The following VPS4B variants were observed in gnomAD, a reference collection of about 807,000 sequenced individuals.
VPS4B encodes vacuolar protein sorting-associated protein 4B.
A neutral mutation model predicts 56.1 loss-of-function variants in VPS4B; 23 were observed. That is an observed-to-expected ratio of 0.41 (90% CI 0.30 to 0.58). The LOEUF (loss-of-function observed/expected upper bound fraction) is 0.58. VPS4B is among the 20% of genes least tolerant of loss of function. The pLI, the probability that VPS4B is intolerant of heterozygous loss-of-function variation, is 0.29. For missense variants in VPS4B, 372 were observed against 531.9 expected (o/e 0.70, Z 2.96); for synonymous variants, 177 against 186.0 (o/e 0.95, Z 0.39).
intron 1 of VPS4B, 108 bp from the exon 2 acceptor site, chr18:63,411,686 C>G: frequency 2.9e-6 from 2 of 694,004 alleles, no homozygotes; most frequent in Non-Finnish European, 4.2e-6. Context: ...TCTCAGCTTG[C>G]TGGGCTGTGA....
chr18:63,403,110 T>C (rs1333766545), intron 5 of VPS4B, among the ~76,000 whole-genome samples: 1 of 152,256 alleles, frequency 6.6e-6, no homozygotes, highest in African/African-American at 2.4e-5. Context: ...ACAGTGATAA[T>C]GAAATGTCCT....
At chr18:63,402,839 T>C (rs998979251) in intron 5 of VPS4B, among the ~76,000 whole-genome samples, 1 of 152,220 alleles carries the variant, frequency 6.6e-6, no homozygotes, top group Non-Finnish European at 1.5e-5. Context: ...CTTTTTGCTC[T>C]TCATCACTGC....
rs948942514 is a variant in VPS4B at position 63,389,740 on chromosome 18, A to G, written c.*1235T>C. On this transcript the variant is annotated 3_prime_UTR_variant, in exon 11 of 11. Coordinates refer to ENST00000238497, the MANE Select transcript of VPS4B (RefSeq NM_004869.4). Reference sequence around the variant, plus strand: ...CTTAAAAGGTGAAGGACAAGACCCCATATTATTATCCTGTATTAAAAAAGG... The same window carrying G: ...CTTAAAAGGTGAAGGACAAGACCCCGTATTATTATCCTGTATTAAAAAAGG... 3.9e-5 allele frequency: 6 copies of G among 152,678 alleles called. No individual in the cohort carries two copies. Among genetic ancestry groups the G allele is most frequent in the African/African-American group, 1.4e-4 (6 of 41,462 alleles). The allele number at this position is 152,678 out of a possible 1,614,324, so 9.5% of individuals were successfully genotyped here.
Position 63,390,915 on chromosome 18 carries a change from T to A in VPS4B, c.*60A>T. ...CTGGAAACAATTAATGCGATCCAAA[T>A]AGACAAAAATATCTATGAAAGAAAG... On this transcript the variant is annotated 3_prime_UTR_variant, in exon 11 of 11. Transcript: ENST00000238497. 1 of 1,230,082 alleles carries A rather than the reference T, an allele frequency of 8.1e-7. No individual in the cohort carries two copies. The highest frequency in any genetic ancestry group is 2.4e-5 in the East Asian group (1 of 42,076). 76.2% of individuals were successfully genotyped at this position (1,230,082 alleles called of 1,614,324 possible). A position where few individuals can be genotyped will look rare whatever the true frequency, so the allele number is the denominator to read the frequency against.
rs948234929 is a variant in VPS4B, at chr18:63,390,237, C to A, written c.*738G>T. On this transcript the variant is annotated 3_prime_UTR_variant, in exon 11 of 11. Coordinates refer to ENST00000238497, the MANE Select transcript of VPS4B (RefSeq NM_004869.4). The stretch of plus-strand genomic sequence containing the variant: ...TACAGACACTCGCCATCATGCCCAG[C>A]TAATTTTTGTATTTTTAGTAGAGAC... 4 of 152,328 alleles carry A rather than the reference C, an allele frequency of 2.6e-5. No individual in the cohort carries two copies. Among genetic ancestry groups the A allele is most frequent in the Non-Finnish European group, 5.9e-5 (4 of 68,170 alleles). The allele number at this position is 152,328 out of a possible 1,614,324, so 9.4% of individuals were successfully genotyped here. A position where few individuals can be genotyped will look rare whatever the true frequency, so the allele number is the denominator to read the frequency against.
In VPS4B at chr18:63,410,544, T is replaced by C. The variant is rs192738988; in HGVS notation, c.140-98A>G. On this transcript the variant is annotated intron_variant, in intron 2 of 10. Coordinates refer to ENST00000238497, the MANE Select transcript of VPS4B (RefSeq NM_004869.4). ...TATTTTTTCAGACAAGGAAATTCTA[T>C]GTTGGAAGAAGGAGGGAAGATCATC... 4.9e-5 allele frequency: 71 copies of C among 1,457,024 alleles called. 1 individual carries two copies. In the South Asian group the frequency reaches 6.2e-4, roughly 13 times the overall value. 90.3% of individuals were successfully genotyped at this position (1,457,024 alleles called of 1,614,324 possible).
intron 4 of VPS4B, among the ~76,000 whole-genome samples, chr18:63,404,895 G>T (rs1221066066): frequency 1.3e-5 from 2 of 151,884 alleles, no homozygotes; most frequent in African/African-American, 4.8e-5. Flanking sequence ...GAAACCATAA[G>T]CATTTTGTAT....
chr18:63,416,965 T>C (rs778084510), intron 1 of VPS4B, among the ~76,000 whole-genome samples: 16 of 152,226 alleles, frequency 1.1e-4, no homozygotes, highest in Non-Finnish European at 2.2e-4. Flanking sequence ...TCATTGTATT[T>C]ACCTGTATGC....
At chr18:63,393,595 A>G in intron 9 of VPS4B, 46 bp from the exon 10 acceptor site, 4 of 1,473,100 alleles carry the variant, frequency 2.7e-6, no homozygotes, top group Non-Finnish European at 3.6e-6. Context: ...ACAAAATTGA[A>G]CATTAAGACT....
chr18:63,400,565 C>T lies in VPS4B; in HGVS notation c.623G>A (p.Trp208Ter). The T allele has an allele frequency of 6.2e-7, 1 of 1,606,526 alleles. No individual in the cohort carries two copies. Among genetic ancestry groups the T allele is most frequent in the Non-Finnish European group, 8.5e-7 (1 of 1,178,392 alleles). The change falls in exon 6 of 11, where the codon TGG becomes TAG. Residue 208 changes from tryptophan to a stop codon, truncating the protein, a stop_gained. Transcript: ENST00000238497. LOFTEE classifies it high-confidence loss of function. The stretch of plus-strand genomic sequence containing the variant: ...TACTTACTTTTCACTTTCACCTAGC[C>T]ACTTAGAAACAAGATCAGAGGAAGA... ...SISSSDLVSKWLGESEKLVKN... is the reference protein window; with the variant it reads ...SISSSDLVSK
At chr18:63,411,654 A>T in intron 1 of VPS4B, 76 bp from the exon 2 acceptor site, 1 of 994,528 alleles carries the variant, frequency 1.0e-6, no homozygotes, top group Non-Finnish European at 1.3e-6. Context: ...TCATACTGAA[A>T]GTTTTTTTTT....
At chr18:63,395,542 G>C (rs942940661) in intron 9 of VPS4B, among the ~76,000 whole-genome samples, 1 of 152,106 alleles carries the variant, frequency 6.6e-6, no homozygotes, top group Admixed American at 6.6e-5. Context: ...TTCAAATTCA[G>C]ATTTTAATTC....
intron 1 of VPS4B, 38 bp from the exon 2 acceptor site, chr18:63,411,616 A>G (rs766812389): frequency 1.4e-4 from 200 of 1,432,406 alleles, no homozygotes; most frequent in Non-Finnish European, 1.8e-4. Context: ...TTTAAATCAA[A>G]GCATAAACAT....
At chr18:63,391,208 T>C in intron 10 of VPS4B, 132 bp from the exon 11 acceptor site, 2 of 622,926 alleles carry the variant, frequency 3.2e-6, no homozygotes, top group Non-Finnish European at 5.6e-6. Flanking sequence ...TGCCATAAGA[T>C]ACTAACGATA....
intron 3 of VPS4B, 118 bp from the exon 4 acceptor site, chr18:63,407,617 A>C: frequency 2.8e-6 from 2 of 719,958 alleles, no homozygotes; most frequent in South Asian, 3.8e-5. Context: ...AGACATTTAC[A>C]TTAAAAGTTA....
rs753852708 is a variant in VPS4B at position 63,400,083 on chromosome 18, C to T, written c.755G>A (p.Arg252His). The change falls in exon 7 of 11, where the codon CGT (arginine) becomes CAT (histidine). Residue 252 changes from arginine (R) to histidine (H), a missense_variant. By Grantham distance (29) the Arg-to-His change is conservative. Coordinates refer to ENST00000238497, the MANE Select transcript of VPS4B (RefSeq NM_004869.4). ...SRSENESEAARRIKTEFLVQM... is the reference protein window; with the variant it reads ...SRSENESEAAHRIKTEFLVQM... ...CACTAGGAACTCCGTCTTAATTCTA[C>T]GTGCGGCTTCACTTTCATTTTCACT... 6 of 1,611,952 alleles carry T rather than the reference C, an allele frequency of 3.7e-6. No homozygotes were observed. The highest frequency in any genetic ancestry group is 1.3e-5 in the African/African-American group (1 of 74,746).
rs1483572186 is a variant in VPS4B, at chr18:63,390,976, T to C, written c.1334A>G (p.Ter445=). The change falls in exon 11 of 11, where the codon TAA becomes TGA. Residue 445 remains the stop codon, a stop_retained_variant. Transcript: ENST00000238497. ...KFTEDFGQEG[*] ...GTAAGCATCTTCCTTGTCTTTGGCT[T>C]AGCCTTCTTGACCAAAATCTTCTGT... The C allele has an allele frequency of 1.3e-6, 2 of 1,597,482 alleles. No homozygotes were observed. Among genetic ancestry groups the C allele is most frequent in the Non-Finnish European group, 1.7e-6 (2 of 1,165,612 alleles).
chr18:63,418,084 T>A (rs1246285515), intron 1 of VPS4B, among the ~76,000 whole-genome samples: 1 of 152,182 alleles, frequency 6.6e-6, no homozygotes, highest in African/African-American at 2.4e-5. Context: ...CTCCAACCTT[T>A]CCTTTTTTCC....
At chr18:63,409,773 A>C (rs1010525991) in intron 3 of VPS4B, among the ~76,000 whole-genome samples, 2 of 152,246 alleles carry the variant, frequency 1.3e-5, no homozygotes, top group African/African-American at 4.8e-5. Context: ...AAAATTTTGC[A>C]TAAGATATCC....
Sources: allele counts gnomAD v4.1 joint callset (sites outside exome capture counted in the v4.1 genomes callset), GRCh38; gene constraint gnomAD v4.1.1; transcripts MANE v1.5; gene names NCBI Gene and HGNC (gene_info 2026-07-23, HGNC 2026-07-21).